DIPK1A: variants seen among roughly 807,000 people sequenced by gnomAD.
DIPK1A encodes family with sequence similarity 69 member A.
Under a neutral mutation model 40.8 loss-of-function variants are expected in DIPK1A, and 27 were observed. The observed-to-expected ratio is 0.66, with a 90% CI of 0.49 to 0.91. The LOEUF (loss-of-function observed/expected upper bound fraction) is 0.91. Among genes scored for constraint, DIPK1A ranks in the 40% least tolerant of loss-of-function variants. The pLI is 0.00. For missense variants in DIPK1A, 412 were observed against 505.7 expected, an observed-to-expected ratio of 0.81 and a Z score of 1.78; for synonymous variants, 166 against 171.3, an observed-to-expected ratio of 0.97 and a Z score of 0.24.
At chr1:92,887,934 GT>G (rs995890841) in intron 1 of DIPK1A, among the ~76,000 whole-genome samples, 6 of 150,918 alleles carry the variant, frequency 4.0e-5, no homozygotes, top group African/African-American at 7.3e-5. Flanking sequence ...AGTTACCTGA[GT>G]TTTTTTTTAA....
intron 4 of DIPK1A, chr1:92,835,187 TC>T (rs1687069697): frequency 2.0e-6 from 1 of 510,816 alleles, no homozygotes. Context: ...AATTTGAAAA[TC>T]CACTTGTAGC....
Position 92,856,125 on chromosome 1 carries a change from A to G in DIPK1A, c.190-5170T>C, listed in dbSNP as rs1183228720. On this transcript the variant is annotated intron_variant, in intron 2 of 4. Coordinates refer to ENST00000370310, the MANE Select transcript of DIPK1A (RefSeq NM_001006605.5). ...AAAAAGGTAGCTCTTTGAAAACTTT[A>G]CCAAAAAAGATACACTTTTAGCAAG... 3.9e-5 allele frequency among the ~76,000 whole-genome samples: 6 copies of G among 152,252 alleles called. No individual in the cohort carries two copies. In the East Asian group the frequency reaches 9.6e-4, roughly 24 times the overall value.
At chr1:92,836,453 T>C (rs1687131785) in intron 4 of DIPK1A, 5 of 1,476,418 alleles carry the variant, frequency 3.4e-6, no homozygotes, top group Admixed American at 1.7e-5. Context: ...TTTTAACTAG[T>C]TGGACTGTGG....
intron 2 of DIPK1A, among the ~76,000 whole-genome samples, chr1:92,870,440 G>A (rs1194375659): frequency 6.6e-6 from 1 of 152,098 alleles, no homozygotes; most frequent in Non-Finnish European, 1.5e-5. Context: ...TGGCCAGGCT[G>A]GTCTCACACT....
intron 1 of DIPK1A, among the ~76,000 whole-genome samples, chr1:92,894,236 T>C (rs1557473598): frequency 6.6e-6 from 1 of 152,040 alleles, no homozygotes. Flanking sequence ...ATTCCAAAAC[T>C]GACCACGTAG....
At chr1:92,841,773 C>T (rs760642694), downstream of DIPK1A, 3 of 1,609,824 alleles carry the variant, frequency 1.9e-6, no homozygotes, top group East Asian at 2.2e-5. Context: ...TAGGTGGAAC[C>T]GTCCCAAAAT....
At chr1:92,836,439 C>A in intron 4 of DIPK1A, 1 of 1,524,472 alleles carries the variant, frequency 6.6e-7, no homozygotes, top group South Asian at 1.1e-5. Flanking sequence ...TGGTACTTCC[C>A]TGTTTTTAAC....
At chr1:92,875,908 T>A (rs999258882) in intron 2 of DIPK1A, among the ~76,000 whole-genome samples, 5 of 151,710 alleles carry the variant, frequency 3.3e-5, no homozygotes, top group Admixed American at 3.3e-4. Context: ...TTAGATAAAT[T>A]TTGGTATTCA....
At chr1:92,954,547 G>A (rs1425057306) in intron 1 of DIPK1A, among the ~76,000 whole-genome samples, 1 of 151,330 alleles carries the variant, frequency 6.6e-6, no homozygotes, top group Non-Finnish European at 1.5e-5. Context: ...GCTATTTTTT[G>A]TACTTTTAGT....
rs142597986 is a variant in DIPK1A at position 92,924,470 on chromosome 1, A to G, written c.54+36906T>C. ...CCCGCACGGATCAAGGGGAACTGAA[A>G]AAAGAGGGAGTGAATGCGGGAATAG... is the stretch of plus-strand genomic sequence containing the variant. On this transcript the variant is annotated intron_variant, in intron 1 of 4. Coordinates refer to ENST00000370310, the MANE Select transcript of DIPK1A (RefSeq NM_001006605.5). Among the ~76,000 whole-genome samples the G allele has an allele frequency of 3.4e-3, 519 of 152,276 alleles. 3 individuals carry two copies. Among genetic ancestry groups the G allele is most frequent in the African/African-American group, 0.012 (489 of 41,558 alleles).
chr1:92,880,730 C>T (rs539013362), intron 1 of DIPK1A, among the ~76,000 whole-genome samples: 19 of 151,878 alleles, frequency 1.3e-4, no homozygotes, highest in African/African-American at 4.3e-4. Context: ...ATTGGCTGGG[C>T]GTGGTGGCGT....
At chr1:92,835,594 A>G (rs1645479535) in intron 4 of DIPK1A, among the ~76,000 whole-genome samples, 1 of 144,646 alleles carries the variant, frequency 6.9e-6, no homozygotes, top group Admixed American at 7.2e-5. Flanking sequence ...CAGAAGGCAG[A>G]GGTTGCAGTG....
chr1:92,837,602 A>G (rs1687179289), downstream of DIPK1A: 1 of 1,611,988 alleles, frequency 6.2e-7, no homozygotes, highest in South Asian at 1.1e-5. Context: ...CAGTTCTCTC[A>G]ATACATAAAG....
chr1:92,916,285 G>T (rs1407566851), intron 1 of DIPK1A, among the ~76,000 whole-genome samples: 2 of 151,040 alleles, frequency 1.3e-5, no homozygotes, highest in African/African-American at 4.9e-5. Flanking sequence ...AAAATGATCA[G>T]ATTTGATCCT....
At chr1:92,836,419 G>T (rs1438199342) in intron 4 of DIPK1A, 6 of 1,596,850 alleles carry the variant, frequency 3.8e-6, no homozygotes, top group Non-Finnish European at 5.2e-6. Flanking sequence ...AGACCTTGGT[G>T]CCTGGACCGT....
intron 2 of DIPK1A, among the ~76,000 whole-genome samples, chr1:92,860,241 C>A (rs532204143): frequency 3.3e-5 from 5 of 152,192 alleles, no homozygotes; most frequent in Non-Finnish European, 7.4e-5. Flanking sequence ...CTTCAGATTG[C>A]ACGGAGGGCT....
chr1:92,928,344 T>C (rs1176073620), intron 1 of DIPK1A, among the ~76,000 whole-genome samples: 1 of 152,234 alleles, frequency 6.6e-6, no homozygotes, highest in African/African-American at 2.4e-5. Context: ...TCCCAATCCT[T>C]TGTGCTACTG....
At chr1:92,919,639 T>TA (rs1447538427) in intron 1 of DIPK1A, among the ~76,000 whole-genome samples, 1 of 152,196 alleles carries the variant, frequency 6.6e-6, no homozygotes, top group Non-Finnish European at 1.5e-5. Flanking sequence ...TATGCTATAA[T>TA]TAACCTCCTT....
intron 1 of DIPK1A, among the ~76,000 whole-genome samples, chr1:92,935,075 T>A (rs898356933): frequency 6.6e-6 from 1 of 152,238 alleles, no homozygotes; most frequent in East Asian, 1.9e-4. Flanking sequence ...TATTCCTTTA[T>A]GTATCAGACA....
Sources: gnomAD v4.1 joint callset for allele counts (sites outside exome capture counted in the v4.1 genomes callset) on GRCh38, gnomAD v4.1.1 for gene constraint, MANE v1.5 for transcripts, NCBI Gene and HGNC (gene_info 2026-07-23, HGNC 2026-07-21) for gene names.